The following TRDN variants were observed in gnomAD, a reference collection of about 807,000 sequenced individuals.
The protein encoded by TRDN is triadin in skeletal muscle.
In TRDN, 161 loss-of-function variants were observed where a neutral mutation model predicts 149.7. The ratio of observed to expected loss-of-function variants is 1.08; its 90% CI spans 0.95 to 1.23. The LOEUF is 1.23. Among genes scored for constraint, TRDN ranks in the 50% most tolerant of loss-of-function variants. TRDN has a pLI of 0.00. For missense variants in TRDN, 896 were observed against 823.5 expected (o/e 1.09, Z -1.08); for synonymous variants, 294 against 250.5 (o/e 1.17, Z -1.64).
chr6:123,289,471 G>A (rs1378184661), intron 24 of TRDN, among the ~76,000 whole-genome samples: 1 of 152,040 alleles, frequency 6.6e-6, no homozygotes, highest in Non-Finnish European at 1.5e-5. Context: ...CAACTCTGGA[G>A]GTGGCACTCA....
At chr6:123,553,655 C>T (rs544148172) in intron 2 of TRDN, among the ~76,000 whole-genome samples, 3 of 152,250 alleles carry the variant, frequency 2.0e-5, no homozygotes, top group Admixed American at 6.5e-5. Flanking sequence ...GAAGAAGCCT[C>T]ACAATCATGA....
intron 21 of TRDN, 38 bp from the exon 22 acceptor site, chr6:123,337,707 A>C (rs1261994412): frequency 1.6e-6 from 2 of 1,271,688 alleles, no homozygotes; most frequent in Non-Finnish European, 2.1e-6. Context: ...GTTACAAGGA[A>C]TAAGAGAGGA....
intron 38 of TRDN, among the ~76,000 whole-genome samples, chr6:123,241,348 A>G (rs1775981186): frequency 6.6e-6 from 1 of 151,354 alleles, no homozygotes; most frequent in South Asian, 2.1e-4. Flanking sequence ...TTTTCTTTTC[A>G]GACGTAAGAT....
chr6:123,291,252 A>G (rs9401649), intron 24 of TRDN, among the ~76,000 whole-genome samples: 28,078 of 151,986 alleles, frequency 0.18, 3,394 homozygotes, highest in East Asian at 0.62. Context: ...CTAGAGTAAC[A>G]TGACTGGTTA....
chr6:123,400,710 G>T (rs1443976763), intron 12 of TRDN, among the ~76,000 whole-genome samples: 2 of 152,104 alleles, frequency 1.3e-5, no homozygotes, highest in Non-Finnish European at 2.9e-5. Context: ...TCATTAAAGG[G>T]TGTCATAGAA....
At chr6:123,271,075 A>G (rs964951262) in intron 30 of TRDN, 64 bp downstream of exon 30, 3 of 939,540 alleles carry the variant, frequency 3.2e-6, no homozygotes, top group Admixed American at 2.8e-5. Flanking sequence ...CTGCATGCAC[A>G]CATATGAGTG....
intron 24 of TRDN, among the ~76,000 whole-genome samples, chr6:123,297,163 GT>G (rs943500048): frequency 1.9e-4 from 29 of 151,830 alleles, no homozygotes; most frequent in African/African-American, 6.5e-4. Flanking sequence ...TATTTTTAAA[GT>G]TTTTTTTGAG....
chr6:123,443,567 T>G (rs949662526), intron 10 of TRDN, among the ~76,000 whole-genome samples: 61 of 152,094 alleles, frequency 4.0e-4, no homozygotes, highest in African/African-American at 1.4e-3. Context: ...CTGAGGCAGG[T>G]GGATCACGAG....
intron 33 of TRDN, among the ~76,000 whole-genome samples, chr6:123,263,197 T>C (rs545558274): frequency 1.3e-5 from 2 of 152,202 alleles, no homozygotes; most frequent in Non-Finnish European, 2.9e-5. Context: ...GGAAACAGCC[T>C]TATTGCTGAG....
intron 18 of TRDN, among the ~76,000 whole-genome samples, chr6:123,377,010 A>G (rs1781534581): frequency 1.3e-5 from 2 of 152,156 alleles, no homozygotes. Context: ...TTTTCATTTG[A>G]AATGATTAAT....
chr6:123,318,032 A>C (rs964717359), intron 23 of TRDN, among the ~76,000 whole-genome samples: 2 of 151,978 alleles, frequency 1.3e-5, no homozygotes, highest in Non-Finnish European at 2.9e-5. Flanking sequence ...CAATTCAATG[A>C]TACCTTCAAT....
At chr6:123,582,094 A>G (rs1412229439) in intron 1 of TRDN, among the ~76,000 whole-genome samples, 1 of 152,174 alleles carries the variant, frequency 6.6e-6, no homozygotes, top group Non-Finnish European at 1.5e-5. Flanking sequence ...TTTTAGGGGG[A>G]CAAAAGTTAC....
chr6:123,378,755 A>G (rs1781606107), intron 16 of TRDN, among the ~76,000 whole-genome samples: 1 of 152,198 alleles, frequency 6.6e-6, no homozygotes, highest in African/African-American at 2.4e-5. Flanking sequence ...CATATTTAAG[A>G]CACTAAAATA....
At chr6:123,585,590 C>CAG (rs1425034373) in intron 1 of TRDN, among the ~76,000 whole-genome samples, 27 of 152,278 alleles carry the variant, frequency 1.8e-4, no homozygotes, top group Middle Eastern at 3.4e-3. Context: ...GGGAAGGAGT[C>CAG]TGAGAGCCTT....
intron 5 of TRDN, among the ~76,000 whole-genome samples, chr6:123,516,465 CT>C (rs1211940660): frequency 5.9e-5 from 9 of 152,028 alleles, no homozygotes; most frequent in African/African-American, 2.2e-4. Context: ...CCCCCGTCAG[CT>C]TTTCCAAATC....
At chr6:123,479,450 C>T (rs9385300) in intron 9 of TRDN, among the ~76,000 whole-genome samples, 1 of 152,040 alleles carries the variant, frequency 6.6e-6, no homozygotes, top group Non-Finnish European at 1.5e-5. Context: ...TAATTCCCCA[C>T]AAGTGGAAAG....
intron 20 of TRDN, among the ~76,000 whole-genome samples, chr6:123,365,694 G>A (rs919850946): frequency 2.6e-5 from 4 of 152,116 alleles, no homozygotes; most frequent in African/African-American, 9.7e-5. Flanking sequence ...AAAGCAAAAT[G>A]TCTCCAAGTC....
At chr6:123,238,119 C>T (rs9320922) in intron 38 of TRDN, among the ~76,000 whole-genome samples, 125,478 of 152,124 alleles carry the variant, frequency 0.82, 52,364 homozygotes, top group African/African-American at 0.93. Flanking sequence ...TTTCTACTAA[C>T]AGAACTCTAC....
intron 24 of TRDN, among the ~76,000 whole-genome samples, chr6:123,286,795 T>C (rs1777819616): frequency 6.6e-6 from 1 of 152,062 alleles, no homozygotes; most frequent in Non-Finnish European, 1.5e-5. Context: ...TCCTTGTCAG[T>C]CTAGGTTCTA....
Sources: gnomAD v4.1 joint callset for allele counts (sites outside exome capture counted in the v4.1 genomes callset) on GRCh38, gnomAD v4.1.1 for gene constraint, MANE v1.5 for transcripts, NCBI Gene and HGNC (gene_info 2026-07-23, HGNC 2026-07-21) for gene names.